DIAPH1: variants seen among roughly 807,000 people sequenced by gnomAD.
DIAPH1 encodes the protein diaphanous related formin 1.
Under a neutral mutation model 140.7 loss-of-function variants are expected in DIAPH1, and 46 were observed. That is an observed-to-expected ratio of 0.33 (90% CI 0.26 to 0.42). The LOEUF is 0.42. Ranked by LOEUF, DIAPH1 falls within the 10% of genes least tolerant of loss-of-function variation. DIAPH1 has a pLI of 1.00. For synonymous variants in DIAPH1, 565 were observed against 551.6 expected, an observed-to-expected ratio of 1.02 and a Z score of -0.34; for missense variants, 1,310 against 1,558.7, an observed-to-expected ratio of 0.84 and a Z score of 2.69.
chr5:141,584,236 G>A lies in DIAPH1; in HGVS notation c.301-11C>T. The A allele has an allele frequency of 1.3e-6, 2 of 1,507,508 alleles. No individual in the cohort carries two copies. Among genetic ancestry groups the A allele is most frequent in the Middle Eastern group, 2.0e-4 (1 of 5,108 alleles). 93.4% of individuals were successfully genotyped at this position (1,507,508 alleles called of 1,614,324 possible). ...CAGGTTCATATCCAGCTAGGAGAGG[G>A]AGAAAAAAGAGAAAAAACAAAATTG... On this transcript the variant is annotated splice_polypyrimidine_tract_variant and intron_variant, in intron 3 of 27. Transcript: ENST00000389054.
chr5:141,519,454 A>G (rs2099886192), intron 27 of DIAPH1, among the ~76,000 whole-genome samples: 1 of 152,178 alleles, frequency 6.6e-6, no homozygotes, highest in Non-Finnish European at 1.5e-5. Flanking sequence ...TTGGGAAAAG[A>G]ACACTGGGCC....
At chr5:141,568,731 A>G (rs1292961974) in intron 18 of DIAPH1, among the ~76,000 whole-genome samples, 2 of 152,204 alleles carry the variant, frequency 1.3e-5, no homozygotes, top group African/African-American at 4.8e-5. Context: ...GCCAGTAGGT[A>G]TACCGAAGGT....
Position 141,551,444 on chromosome 5 carries a change from TA to T in DIAPH1, c.2483-17012del, listed in dbSNP as rs1035198390. Reference sequence around the variant, plus strand: ...GGCAACAGAGCAAGACCCTGTCTCTTAAAAAAAAAGGCATCGTGTCTAACTT... The same window carrying T: ...GGCAACAGAGCAAGACCCTGTCTCTTAAAAAAAAGGCATCGTGTCTAACTT... On this transcript the variant is annotated intron_variant, in intron 18 of 27. Transcript: ENST00000389054. Among the ~76,000 whole-genome samples, 30 of 150,648 alleles carry T rather than the reference TA, an allele frequency of 2.0e-4. 1 individual carries two copies. The South Asian group carries it at 4.0e-3, about 20-fold the overall frequency.
At chr5:141,587,699 G>C (rs2099897744) in intron 2 of DIAPH1, among the ~76,000 whole-genome samples, 1 of 152,110 alleles carries the variant, frequency 6.6e-6, no homozygotes, top group Non-Finnish European at 1.5e-5. Flanking sequence ...TCTTTAATTT[G>C]TACACTCCAA....
rs1312350229 is a variant in DIAPH1, at chr5:141,595,060, A to AC, written c.118-6811_118-6810insG. Among the ~76,000 whole-genome samples the AC allele has an allele frequency of 4.3e-3, 655 of 151,692 alleles. 6 individuals are homozygous for AC. The highest frequency in any genetic ancestry group is 0.015 in the African/African-American group (622 of 41,210). On this transcript the variant is annotated intron_variant, in intron 1 of 27. Coordinates refer to ENST00000389054, the MANE Select transcript of DIAPH1 (RefSeq NM_005219.5). ...CCATCTCAAAAAAAAAAAAAAAGAAAGAAAAAAGGAAAAGGCTACATATTA... is the reference window on the plus strand; with the variant it reads ...CCATCTCAAAAAAAAAAAAAAAGAAACGAAAAAAGGAAAAGGCTACATATTA...
chr5:141,572,170 T>C (rs1333915175), intron 16 of DIAPH1, 130 bp from the exon 17 acceptor site: 2 of 717,354 alleles, frequency 2.8e-6, no homozygotes, highest in East Asian at 5.3e-5. Flanking sequence ...TAAGACTAAC[T>C]TGAGGCACAG....
intron 18 of DIAPH1, among the ~76,000 whole-genome samples, chr5:141,556,678 C>G (rs750665566): frequency 6.6e-6 from 1 of 151,780 alleles, no homozygotes; most frequent in Non-Finnish European, 1.5e-5. Context: ...CCTGAGAGAT[C>G]TTCTTTTTAT....
intron 27 of DIAPH1, among the ~76,000 whole-genome samples, chr5:141,519,869 T>C (rs3805694): frequency 6.6e-6 from 1 of 152,160 alleles, no homozygotes; most frequent in Non-Finnish European, 1.5e-5. Flanking sequence ...TATTAGACTA[T>C]TGAAAAGTAG....
intron 27 of DIAPH1, among the ~76,000 whole-genome samples, chr5:141,520,598 G>C (rs1278801158): frequency 6.6e-6 from 1 of 152,168 alleles, no homozygotes. Context: ...ACAGTCTGCA[G>C]AACTGTCAGC....
chr5:141,591,707 TATA>T (rs1368331339), intron 1 of DIAPH1, among the ~76,000 whole-genome samples: 1 of 80,006 alleles, frequency 1.2e-5, no homozygotes, highest in African/African-American at 4.8e-5. Context: ...TATATATATA[TATA>T]TATATATATA....
chr5:141,517,548 A>G (rs944780813), intron 27 of DIAPH1, among the ~76,000 whole-genome samples: 2 of 151,428 alleles, frequency 1.3e-5, no homozygotes, highest in South Asian at 2.1e-4. Flanking sequence ...CTGACACCGC[A>G]CTCCCACGTG....
At chr5:141,596,711 G>A (rs979359560) in intron 1 of DIAPH1, among the ~76,000 whole-genome samples, 7 of 152,144 alleles carry the variant, frequency 4.6e-5, no homozygotes, top group African/African-American at 1.7e-4. Flanking sequence ...CTATTGGATG[G>A]TGCTGTCCTA....
At position 141,527,675 on chromosome 5, in the gene DIAPH1, CTT is replaced by C; in HGVS notation, c.3169_3170del (p.Lys1057GlufsTer11). ...ASRVSAENLQ[K>X]NLDQMKKQIS... ...TTTGTTTCTTCATCTGATCTAGGTT[CTT>C]TTGCAAGTTTTCAGCAGAAACTAAA... On this transcript the variant is annotated frameshift_variant, in exon 24 of 28. Transcript: ENST00000389054. LOFTEE classifies it high-confidence loss of function. 1 of 843,238 alleles carries C rather than the reference CTT, an allele frequency of 1.2e-6. No homozygotes were observed. The highest frequency in any genetic ancestry group is 1.8e-6 in the Non-Finnish European group (1 of 569,532). The allele number at this position is 843,238 out of a possible 1,614,324, so 52.2% of individuals were successfully genotyped here.
At chr5:141,599,068 C>A (rs550568055) in intron 1 of DIAPH1, among the ~76,000 whole-genome samples, 1 of 152,298 alleles carries the variant, frequency 6.6e-6, no homozygotes, top group East Asian at 1.9e-4. Flanking sequence ...CCAGAGAATA[C>A]TCAGACAACT....
chr5:141,615,483 T>C (rs983380661), intron 1 of DIAPH1, among the ~76,000 whole-genome samples: 1 of 147,102 alleles, frequency 6.8e-6, no homozygotes, highest in African/African-American at 2.5e-5. Context: ...GGCTCACGCC[T>C]GTAATCCCAG....
intron 24 of DIAPH1, among the ~76,000 whole-genome samples, chr5:141,527,028 A>T (rs545462955): frequency 6.6e-6 from 1 of 152,318 alleles, no homozygotes; most frequent in Non-Finnish European, 1.5e-5. Flanking sequence ...TAAATGTATG[A>T]GGTGCAAATC....
intron 18 of DIAPH1, among the ~76,000 whole-genome samples, chr5:141,561,259 G>A (rs1332464446): frequency 6.6e-6 from 1 of 152,106 alleles, no homozygotes; most frequent in Admixed American, 6.5e-5. Context: ...GGATCAGGAG[G>A]AAAGAATGGT....
At chr5:141,591,697 T>G (rs200123875) in intron 1 of DIAPH1, among the ~76,000 whole-genome samples, 105 of 59,076 alleles carry the variant, frequency 1.8e-3, no homozygotes, top group South Asian at 6.3e-3. Flanking sequence ...GAGATGGGGA[T>G]ATATATATAT....
rs750971019 is a variant in DIAPH1 at position 141,526,478 on chromosome 5, A to AAGGACC, written c.3274-23_3274-18dup. The AAGGACC allele has an allele frequency of 2.5e-6, 4 of 1,614,016 alleles. No individual in the cohort carries two copies. The African/African-American group carries it at 5.3e-5, about 22-fold the overall frequency. On this transcript the variant is annotated splice_polypyrimidine_tract_variant and intron_variant, in intron 24 of 27. Coordinates refer to ENST00000389054, the MANE Select transcript of DIAPH1 (RefSeq NM_005219.5). ...CACAAAGCTGTGCAGCCAAGGAGTA[A>AAGGACC]AGGACCAAGACCAAGACCAAGAAGC...
Sources: allele counts gnomAD v4.1 joint callset (sites outside exome capture counted in the v4.1 genomes callset), GRCh38; gene constraint gnomAD v4.1.1; transcripts MANE v1.5; gene names NCBI Gene and HGNC (gene_info 2026-07-23, HGNC 2026-07-21).